The following KRT33A variants were observed in gnomAD, a reference collection of about 807,000 sequenced individuals.
KRT33A encodes keratin, type I cuticular Ha3-I.
KRT33A carries 44 observed loss-of-function variants against 41.1 expected under a neutral mutation model. The observed-to-expected ratio is 1.07, with a 90% CI of 0.84 to 1.38. The LOEUF (loss-of-function observed/expected upper bound fraction) is 1.38, where lower values mean the gene tolerates loss of function less well. KRT33A is among the 40% of genes most tolerant of loss of function. The pLI is 0.00. For synonymous variants in KRT33A, 229 were observed against 227.8 expected, an observed-to-expected ratio of 1.01 and a Z score of -0.05; for missense variants, 536 against 518.5, an observed-to-expected ratio of 1.03 and a Z score of -0.33.
intron 1 of KRT33A, 127 bp downstream of exon 1, chr17:41,350,293 A>T (rs760148357): frequency 1.3e-5 from 15 of 1,190,234 alleles, no homozygotes; most frequent in Non-Finnish European, 1.8e-5. Context: ...GGGCCCTCAA[A>T]AAACAAAATG....
intron 2 of KRT33A, 132 bp downstream of exon 2, chr17:41,349,214 T>C: frequency 1.2e-6 from 1 of 835,574 alleles, no homozygotes; most frequent in Non-Finnish European, 1.9e-6. Flanking sequence ...GTGGTGGCTC[T>C]GTGAATCTTG....
At position 41,350,489 on chromosome 17, in the gene KRT33A, C is replaced by T; in HGVS notation, c.279G>A (p.Gln93=). The T allele has an allele frequency of 2.5e-6, 4 of 1,614,166 alleles. No homozygotes were observed. Among genetic ancestry groups the T allele is most frequent in the Non-Finnish European group, 3.4e-6 (4 of 1,180,044 alleles). Residue 93 remains glutamine, a synonymous_variant, in exon 1 of 7, where the codon CAG becomes CAA. Coordinates refer to ENST00000007735, the MANE Select transcript of KRT33A (RefSeq NM_004138.4). ...ELENLIRERS[Q]QQEPLVCASY... ...TGGCACACACCAAGGGCTCCTGCTG[C>T]TGTGACCGCTCCCGGATGAGGTTCT...
intron 2 of KRT33A, among the ~76,000 whole-genome samples, 195 bp downstream of exon 2, chr17:41,349,151 G>A (rs1359634928): frequency 6.6e-6 from 1 of 152,234 alleles, no homozygotes; most frequent in Non-Finnish European, 1.5e-5. Flanking sequence ...CAGAGGAGAA[G>A]AAGGAGGAAA....
chr17:41,346,148 A>T lies in KRT33A; in HGVS notation c.1186T>A (p.Cys396Ser), dbSNP rs748962299. ...ISNPCGLRAR[C>S]GPCNTFGY The stretch of plus-strand genomic sequence containing the variant: ...TACCCAAATGTGTTGCAAGGCCCAC[A>T]CCGAGCACGTAGGCCACAGGGATTA... Residue 396 changes from cysteine (C) to serine (S), a missense_variant, in exon 7 of 7, where the codon TGT becomes AGT. Cys to Ser is a moderately radical substitution (Grantham distance 112). Coordinates refer to ENST00000007735, the MANE Select transcript of KRT33A (RefSeq NM_004138.4). 6 of 1,613,972 alleles carry T rather than the reference A, an allele frequency of 3.7e-6. No homozygotes were observed. Among genetic ancestry groups the T allele is most frequent in the Non-Finnish European group, 4.2e-6 (5 of 1,179,902 alleles).
rs775850428 is a variant in KRT33A at position 41,350,558 on chromosome 17, G to C, written c.210C>G (p.Tyr70Ter). The C allele has an allele frequency of 1.2e-6, 2 of 1,613,948 alleles. No individual in the cohort carries two copies. The highest frequency in any genetic ancestry group is 2.2e-5 in the South Asian group (2 of 91,064). Residue 70 changes from tyrosine (Y) to a stop codon, truncating the protein, a stop_gained, in exon 1 of 7, where the codon TAC (tyrosine) becomes TAG (stop). Transcript: ENST00000007735. LOFTEE classifies it high-confidence loss of function. The stretch of plus-strand genomic sequence containing the variant: ...GCTCCAGCTGACGCACCTTCTCCAG[G>C]TAGCTGGCCAGGCGGTCGTTCAGGA... Reference protein sequence around the residue: ...MQFLNDRLASYLEKVRQLERD... With the variant: ...MQFLNDRLAS
Position 41,350,484 on chromosome 17 carries a change from T to C in KRT33A, c.284A>G (p.Gln95Arg). 6.2e-7 allele frequency: 1 copy of C among 1,614,156 alleles called. No individual in the cohort carries two copies. Among genetic ancestry groups the C allele is most frequent in the African/African-American group, 1.3e-5 (1 of 75,026 alleles). Residue 95 changes from glutamine (Q) to arginine (R), a missense_variant, in exon 1 of 7, where the codon CAG becomes CGG. Physicochemically the swap from Gln to Arg is conservative, Grantham distance 43. Coordinates refer to ENST00000007735, the MANE Select transcript of KRT33A (RefSeq NM_004138.4). Reference sequence around the variant, plus strand: ...GTAGCTGGCACACACCAAGGGCTCCTGCTGCTGTGACCGCTCCCGGATGAG... The same window carrying C: ...GTAGCTGGCACACACCAAGGGCTCCCGCTGCTGTGACCGCTCCCGGATGAG... ...ENLIRERSQQ[Q>R]EPLVCASYQS... is the part of the protein sequence containing the mutation.
At chr17:41,346,813 T>A (rs1270487268) in intron 5 of KRT33A, 31 bp downstream of exon 5, 1 of 1,610,170 alleles carries the variant, frequency 6.2e-7, no homozygotes, top group Non-Finnish European at 8.5e-7. Context: ...CAAGTTCCCA[T>A]CGCTCACCAG....
chr17:41,346,233 G>A lies in KRT33A; in HGVS notation c.1101C>T (p.Leu367=). 1 of 1,613,836 alleles carries A rather than the reference G, an allele frequency of 6.2e-7. No homozygotes were observed. The highest frequency in any genetic ancestry group is 1.3e-5 in the African/African-American group (1 of 75,036). ...TGGTTGTGGCGCAGGGGTTGGAGGG[G>A]AGCCTGTGGGCAGAAAATCATTGGA... is the stretch of plus-strand genomic sequence containing the variant. ...RSLLESEDCK[L]PSNPCATTNA... is the part of the protein sequence containing the mutation. The change falls in exon 7 of 7, where the codon CTC becomes CTT. Residue 367 remains leucine, a synonymous_variant. Coordinates refer to ENST00000007735, the MANE Select transcript of KRT33A (RefSeq NM_004138.4).
intron 3 of KRT33A, among the ~76,000 whole-genome samples, chr17:41,348,002 C>T (rs1176860679): frequency 6.6e-6 from 1 of 152,174 alleles, no homozygotes; most frequent in Non-Finnish European, 1.5e-5. Context: ...TTTTGCCCAA[C>T]TGACTTAGCC....
At chr17:41,346,275 T>C (rs572023298) in intron 6 of KRT33A, 39 bp from the exon 7 acceptor site, 1 of 1,598,112 alleles carries the variant, frequency 6.3e-7, no homozygotes, top group South Asian at 1.1e-5. Context: ...TAGAGTAAAA[T>C]GAGCTGAAGA....
intron 3 of KRT33A, among the ~76,000 whole-genome samples, chr17:41,347,772 G>A (rs183918739): frequency 2.6e-4 from 39 of 152,228 alleles, no homozygotes; most frequent in East Asian, 1.7e-3. Flanking sequence ...GGGCTTAGGC[G>A]GATTTCAGAC....
In KRT33A at chr17:41,346,513, G is replaced by A. The variant is rs570890780; in HGVS notation, c.1032C>T (p.Asp344=). 11 of 1,613,622 alleles carry A rather than the reference G, an allele frequency of 6.8e-6. No individual in the cohort carries two copies. The highest frequency in any genetic ancestry group is 3.3e-5 in the South Asian group (3 of 91,044). Residue 344 remains aspartate, a synonymous_variant, in exon 6 of 7, where the codon GAC becomes GAT. Coordinates refer to ENST00000007735, the MANE Select transcript of KRT33A (RefSeq NM_004138.4). ...TCTCACACTCCAGCCGCGCCCGCACGTCCAGCAGCACCTGATACTCCTGGT... is the reference window on the plus strand; with the variant it reads ...TCTCACACTCCAGCCGCGCCCGCACATCCAGCAGCACCTGATACTCCTGGT... The part of the protein sequence containing the change: ...RQNQEYQVLL[D]VRARLECEIN...
At chr17:41,349,819 G>A (rs1325398626) in intron 1 of KRT33A, among the ~76,000 whole-genome samples, 2 of 151,716 alleles carry the variant, frequency 1.3e-5, no homozygotes, top group Admixed American at 6.6e-5. Context: ...GCAATTGCAG[G>A]GGACTGGATC....
chr17:41,350,236 C>T (rs2017485428), intron 1 of KRT33A, among the ~76,000 whole-genome samples, 184 bp downstream of exon 1: 1 of 152,182 alleles, frequency 6.6e-6, no homozygotes, highest in Non-Finnish European at 1.5e-5. Context: ...CATAGACTAA[C>T]ACTATGCAAA....
In KRT33A at chr17:41,350,531, C is replaced by T. The variant is rs1199416886; in HGVS notation, c.237G>A (p.Arg79=). The change falls in exon 1 of 7, where the codon CGG becomes CGA. Residue 79 remains arginine, a synonymous_variant. Coordinates refer to ENST00000007735, the MANE Select transcript of KRT33A (RefSeq NM_004138.4). ...SYLEKVRQLE[R]DNAELENLIR... ...TGAGGTTCTCCAGCTCCGCGTTGTC[C>T]CGCTCCAGCTGACGCACCTTCTCCA... 1 of 1,614,054 alleles carries T rather than the reference C, an allele frequency of 6.2e-7. No individual in the cohort carries two copies. The highest frequency in any genetic ancestry group is 1.7e-5 in the Admixed American group (1 of 60,006).
rs773194543 is a variant in KRT33A at position 41,346,156 on chromosome 17, C to T, written c.1178G>A (p.Arg393His). The change falls in exon 7 of 7, where the codon CGT becomes CAT. Residue 393 changes from arginine to histidine, a missense_variant. Coordinates refer to ENST00000007735, the MANE Select transcript of KRT33A (RefSeq NM_004138.4). ...TGTGTTGCAAGGCCCACACCGAGCA[C>T]GTAGGCCACAGGGATTAGAGATACA... ...GPCISNPCGL[R>H]ARCGPCNTFG... 1.0e-4 allele frequency: 162 copies of T among 1,613,914 alleles called. No individual in the cohort carries two copies. The highest frequency in any genetic ancestry group is 1.3e-4 in the Non-Finnish European group (152 of 1,179,982).
At position 41,348,608 on chromosome 17, in the gene KRT33A, C is replaced by T; in HGVS notation, c.463G>A (p.Val155Met). The T allele has an allele frequency of 1.9e-6, 3 of 1,614,144 alleles. No individual in the cohort carries two copies. The highest frequency in any genetic ancestry group is 1.1e-5 in the South Asian group (1 of 91,076). The change falls in exon 3 of 7, where the codon GTG (valine) becomes ATG (methionine). Residue 155 changes from valine to methionine, a missense_variant. By Grantham distance (21) the Val-to-Met change is conservative. Transcript: ENST00000007735. ...CGCAGGCCATTGATGTCCGACTCCA[C>T]CAGCTGCCGCAGGGACAGCTCGGTC... is the stretch of plus-strand genomic sequence containing the variant. ...YETELSLRQL[V>M]ESDINGLRRI... is the part of the protein sequence containing the mutation.
At position 41,347,203 on chromosome 17, in the gene KRT33A, C is replaced by A; in HGVS notation, c.608G>T (p.Cys203Phe). 1 of 1,611,946 alleles carries A rather than the reference C, an allele frequency of 6.2e-7. No individual in the cohort carries two copies. The highest frequency in any genetic ancestry group is 8.5e-7 in the Non-Finnish European group (1 of 1,179,262). ...CACGTTGAGGCGGTCTCCAAGCTGG[C>A]AGCGCAGGGTGTTAACCTCCTGATG... ...NHEQEVNTLR[C>F]QLGDRLNVEV... The change falls in exon 4 of 7, where the codon TGC (cysteine) becomes TTC (phenylalanine). Residue 203 changes from cysteine to phenylalanine, a missense_variant. By Grantham distance (205) the Cys-to-Phe change is radical (BLOSUM62 -2). Coordinates refer to ENST00000007735, the MANE Select transcript of KRT33A (RefSeq NM_004138.4).
At chr17:41,349,299 C>T (rs1008077466) in intron 2 of KRT33A, 47 bp downstream of exon 2, 1 of 1,576,828 alleles carries the variant, frequency 6.3e-7, no homozygotes, top group Non-Finnish European at 8.7e-7. Context: ...GAAAGGAGGG[C>T]TGCCAGAGAA....
Sources: allele counts gnomAD v4.1 joint callset (sites outside exome capture counted in the v4.1 genomes callset), GRCh38; gene constraint gnomAD v4.1.1; transcripts MANE v1.5; gene names NCBI Gene and HGNC (gene_info 2026-07-23, HGNC 2026-07-21).